Variants in LARGE1 observed in about 807,000 individuals in gnomAD.
LARGE1 encodes the protein LARGE xylosyl- and glucuronyltransferase 1.
Under a neutral mutation model 87.6 loss-of-function variants are expected in LARGE1, and 43 were observed. The ratio of observed to expected loss-of-function variants is 0.49; its 90% CI spans 0.38 to 0.63. LARGE1 has a LOEUF of 0.63. Among genes scored for constraint, LARGE1 ranks in the 30% least tolerant of loss-of-function variants. LARGE1 has a pLI of 0.00. For synonymous variants in LARGE1, 434 were observed against 394.6 expected (o/e 1.10, Z -1.18); for missense variants, 802 against 1,000.2 (o/e 0.80, Z 2.67).
intron 10 of LARGE1, among the ~76,000 whole-genome samples, chr22:33,324,119 C>A (rs1435124762): frequency 1.3e-5 from 2 of 149,848 alleles, no homozygotes; most frequent in Non-Finnish European, 3.0e-5. Context: ...GTAACCCCAT[C>A]TACTCGGGAG....
intron 9 of LARGE1, among the ~76,000 whole-genome samples, chr22:33,371,841 G>A (rs938433422): frequency 1.7e-4 from 26 of 152,080 alleles, no homozygotes; most frequent in Non-Finnish European, 2.8e-4. Flanking sequence ...AAAATTAGCC[G>A]GGCATGGTGG....
chr22:33,789,009 G>A (rs1171952123), intron 1 of LARGE1, among the ~76,000 whole-genome samples: 1 of 152,188 alleles, frequency 6.6e-6, no homozygotes, highest in Non-Finnish European at 1.5e-5. Flanking sequence ...TAAGTAATGA[G>A]GAGCCAAATG....
the LARGE1 span, among the ~76,000 whole-genome samples, chr22:33,124,349 A>AAGGAAGGAAGGAAGGAAGGAAGG: frequency 2.7e-5 from 1 of 37,348 alleles, no homozygotes; most frequent in African/African-American, 1.5e-4. Flanking sequence ...AGAGACAAAG[A>AAGGAAGGAAGGAAGGAAGGAAGG]AAGGAAAGAA....
intron 1 of LARGE1, among the ~76,000 whole-genome samples, chr22:33,828,128 G>A (rs1032220006): frequency 1.3e-5 from 2 of 152,188 alleles, no homozygotes; most frequent in Non-Finnish European, 2.9e-5. Context: ...TTCTCAGGAG[G>A]GGAGAAGATG....
At chr22:33,089,371 C>CTTCTT in the LARGE1 span, among the ~76,000 whole-genome samples, 687 of 76,074 alleles carry the variant, frequency 9.0e-3, 18 homozygotes, top group East Asian at 0.02. Context: ...TTCTTCTTCT[C>CTTCTT]CTTCTTCTTC....
chr22:33,672,831 T>TGCCAGGTGCTGAAGACA (rs2081457103), intron 2 of LARGE1, among the ~76,000 whole-genome samples: 1 of 152,224 alleles, frequency 6.6e-6, no homozygotes, highest in Non-Finnish European at 1.5e-5. Context: ...CAAGACAATA[T>TGCCAGGTGCTGAAGACA]GCCAGGTGCT....
chr22:33,707,693 T>C (rs1432322105), intron 2 of LARGE1, among the ~76,000 whole-genome samples: 1 of 152,242 alleles, frequency 6.6e-6, no homozygotes. Flanking sequence ...AAGATACAGA[T>C]AAGTCCGGGG....
chr22:33,545,789 G>A (rs8139881), intron 6 of LARGE1, among the ~76,000 whole-genome samples: 6,482 of 152,216 alleles, frequency 0.043, 484 homozygotes, highest in African/African-American at 0.15. Flanking sequence ...TCGCCATGTT[G>A]CCCAGGCTGG....
At chr22:33,896,862 G>C (rs1255566725) in intron 1 of LARGE1, among the ~76,000 whole-genome samples, 1 of 152,190 alleles carries the variant, frequency 6.6e-6, no homozygotes, top group African/African-American at 2.4e-5. Flanking sequence ...TCCCCCAGCT[G>C]TGCTACAGGG....
chr22:33,498,634 A>G (rs1325130565), intron 6 of LARGE1, among the ~76,000 whole-genome samples: 2 of 152,192 alleles, frequency 1.3e-5, no homozygotes, highest in African/African-American at 4.8e-5. Flanking sequence ...AATCATGTAA[A>G]TAAGATAAGT....
At chr22:33,169,721 C>T (rs1462080170) in intron 11 of LARGE1, among the ~76,000 whole-genome samples, 1 of 151,874 alleles carries the variant, frequency 6.6e-6, no homozygotes, top group African/African-American at 2.4e-5. Context: ...TGTGGTGGCA[C>T]GTGCCTGTAG....
intron 7 of LARGE1, among the ~76,000 whole-genome samples, chr22:33,428,740 G>A (rs1327574773): frequency 7.1e-6 from 1 of 140,968 alleles, no homozygotes; most frequent in African/African-American, 2.6e-5. Context: ...GGCTAACGTG[G>A]TGAAACCCCG....
At chr22:33,276,063 T>C (rs1315934480) in intron 14 of LARGE1, among the ~76,000 whole-genome samples, 1 of 152,210 alleles carries the variant, frequency 6.6e-6, no homozygotes, top group Admixed American at 6.5e-5. Context: ...ATATTGGAAC[T>C]ATTGGAAGGA....
intron 2 of LARGE1, among the ~76,000 whole-genome samples, chr22:33,722,917 G>C (rs1419881460): frequency 1.3e-5 from 2 of 152,170 alleles, no homozygotes; most frequent in Non-Finnish European, 2.9e-5. Context: ...TTGGGGGTGA[G>C]CTGTTTTGAT....
chr22:33,388,281 T>C (rs1056457763), intron 7 of LARGE1, among the ~76,000 whole-genome samples: 2 of 152,232 alleles, frequency 1.3e-5, no homozygotes, highest in African/African-American at 4.8e-5. Flanking sequence ...ATCCTAATCT[T>C]GATTCATGTC....
chr22:33,372,523 C>CA (rs1313326767), intron 9 of LARGE1, among the ~76,000 whole-genome samples: 1 of 152,084 alleles, frequency 6.6e-6, no homozygotes. Flanking sequence ...GCAGGCAAGA[C>CA]AGAGTGAGAG....
chr22:33,646,412 A>C (rs1350545209), intron 3 of LARGE1, among the ~76,000 whole-genome samples: 1 of 152,136 alleles, frequency 6.6e-6, no homozygotes, highest in Non-Finnish European at 1.5e-5. Context: ...AGGGAGGGGA[A>C]CATCACACAC....
At position 33,715,927 on chromosome 22, in the gene LARGE1, A is replaced by T. The variant is rs530851567; in HGVS notation, c.106+45444T>A. On this transcript the variant is annotated intron_variant, in intron 2 of 14. Coordinates refer to ENST00000397394, the MANE Select transcript of LARGE1 (RefSeq NM_133642.5). ...CCAGCACTAAGAAATTTCTCTAAAG[A>T]GTTACAAACCATCCACAAGTTTATT... Among the ~76,000 whole-genome samples, 21 of 152,332 alleles carry T rather than the reference A, an allele frequency of 1.4e-4. No individual in the cohort carries two copies. The East Asian group carries it at 3.9e-3, about 28-fold the overall frequency.
intron 6 of LARGE1, among the ~76,000 whole-genome samples, chr22:33,516,168 C>T (rs1442370392): frequency 1.3e-5 from 2 of 152,152 alleles, no homozygotes; most frequent in African/African-American, 4.8e-5. Context: ...TGGGCAGAAA[C>T]CTGCAGGAAA....
Sources: gnomAD v4.1 joint callset for allele counts (sites outside exome capture counted in the v4.1 genomes callset) on GRCh38, gnomAD v4.1.1 for gene constraint, MANE v1.5 for transcripts, NCBI Gene and HGNC (gene_info 2026-07-23, HGNC 2026-07-21) for gene names.